Variants in CACNG4 observed in about 807,000 individuals in gnomAD.
CACNG4 encodes the protein voltage-dependent calcium channel gamma-4 subunit.
A neutral mutation model predicts 22.9 loss-of-function variants in CACNG4; 8 were observed. That is an observed-to-expected ratio of 0.35 (90% CI 0.21 to 0.63). CACNG4 has a LOEUF of 0.63. Ranked by LOEUF, CACNG4 falls within the 30% of genes least tolerant of loss-of-function variation. The pLI is 0.72. For synonymous variants in CACNG4, 188 were observed against 191.9 expected (o/e 0.98, Z 0.17); for missense variants, 357 against 455.4 (o/e 0.78, Z 1.97).
At chr17:66,990,842 G>A (rs568241695) in intron 1 of CACNG4, among the ~76,000 whole-genome samples, 9 of 151,554 alleles carry the variant, frequency 5.9e-5, no homozygotes, top group Non-Finnish European at 1.2e-4. Context: ...CACCATGCCC[G>A]GCTAATTTTT....
chr17:67,004,976 A>C (rs1016168750), intron 1 of CACNG4, among the ~76,000 whole-genome samples: 1 of 152,160 alleles, frequency 6.6e-6, no homozygotes, highest in African/African-American at 2.4e-5. Flanking sequence ...CGCCCACTTC[A>C]GCCTCCCAAA....
chr17:66,978,641 C>T (rs1567750270), intron 1 of CACNG4, among the ~76,000 whole-genome samples: 4 of 152,340 alleles, frequency 2.6e-5, no homozygotes, highest in East Asian at 1.9e-4. Context: ...GCCCCGTACT[C>T]GCTTCCGGCC....
intron 1 of CACNG4, among the ~76,000 whole-genome samples, chr17:66,990,460 A>G (rs111517637): frequency 0.014 from 2,155 of 152,274 alleles, 25 homozygotes; most frequent in Non-Finnish European, 0.024. Flanking sequence ...ATACAGGGGC[A>G]CACAGCAGCG....
intron 1 of CACNG4, among the ~76,000 whole-genome samples, chr17:66,995,669 G>T (rs149116590): frequency 6.6e-6 from 1 of 152,118 alleles, no homozygotes; most frequent in African/African-American, 2.4e-5. Flanking sequence ...GACCAAGATG[G>T]TGAAACCCCG....
chr17:66,970,765 T>C (rs1157259002), intron 1 of CACNG4, among the ~76,000 whole-genome samples: 2 of 152,194 alleles, frequency 1.3e-5, no homozygotes, highest in Non-Finnish European at 2.9e-5. Flanking sequence ...CTTCATCATA[T>C]GTATTTTGGG....
At chr17:66,966,029 C>T (rs1049395004) in intron 1 of CACNG4, among the ~76,000 whole-genome samples, 24 of 152,186 alleles carry the variant, frequency 1.6e-4, no homozygotes, top group Non-Finnish European at 2.8e-4. Context: ...GGCGCTGCGA[C>T]CCCCAAATGC....
intron 1 of CACNG4, among the ~76,000 whole-genome samples, chr17:66,981,643 A>T (rs2035273808): frequency 6.6e-6 from 1 of 152,170 alleles, no homozygotes; most frequent in African/African-American, 2.4e-5. Context: ...CGTGAGTAGG[A>T]CGGTGCTCAG....
At chr17:66,976,612 C>T (rs751207581) in intron 1 of CACNG4, among the ~76,000 whole-genome samples, 7 of 151,964 alleles carry the variant, frequency 4.6e-5, no homozygotes, top group South Asian at 4.2e-4. Context: ...CATCGTCCCT[C>T]CTCCCTGCCT....
intron 3 of CACNG4, among the ~76,000 whole-genome samples, chr17:67,026,643 C>T (rs1402172465): frequency 1.7e-5 from 2 of 117,316 alleles, no homozygotes; most frequent in African/African-American, 3.4e-5. Context: ...GTGTCTGAGA[C>T]GTGTAGTGTG....
chr17:67,026,636 T>G (rs557033590), intron 3 of CACNG4, among the ~76,000 whole-genome samples: 1 of 149,920 alleles, frequency 6.7e-6, no homozygotes, highest in African/African-American at 2.5e-5. Flanking sequence ...TGTGTGTGTG[T>G]CTGAGACGTG....
At chr17:67,006,025 C>T (rs1438450013) in intron 1 of CACNG4, among the ~76,000 whole-genome samples, 1 of 152,200 alleles carries the variant, frequency 6.6e-6, no homozygotes, top group Non-Finnish European at 1.5e-5. Flanking sequence ...TCAACCACCC[C>T]TCCCCACCTG....
chr17:66,986,311 G>A (rs774686670), intron 1 of CACNG4, among the ~76,000 whole-genome samples: 4 of 152,236 alleles, frequency 2.6e-5, no homozygotes. Flanking sequence ...GCTGATGTGT[G>A]TCTGGAGAGC....
At chr17:66,970,295 G>A (rs1295509355) in intron 1 of CACNG4, among the ~76,000 whole-genome samples, 1 of 152,216 alleles carries the variant, frequency 6.6e-6, no homozygotes, top group African/African-American at 2.4e-5. Context: ...GAAGGGGCAG[G>A]TAAGGGGGTT....
At chr17:67,012,286 G>A (rs573517577) in intron 1 of CACNG4, among the ~76,000 whole-genome samples, 2 of 152,218 alleles carry the variant, frequency 1.3e-5, no homozygotes, top group Non-Finnish European at 1.5e-5. Context: ...CCTTGTGGAA[G>A]CAGGTCTTTC....
Position 66,965,083 on chromosome 17 carries a change from C to G in CACNG4, c.172C>G (p.Arg58Gly), listed in dbSNP as rs1169983327. Residue 58 changes from arginine to glycine, a missense_variant, in exon 1 of 4, where the codon CGC (arginine) becomes GGC (glycine). Transcript: ENST00000262138. ...CGACGGGCCCCCGCCCCGCCGCGCC[C>G]GCGGCGACCTCACCCACTCTGGTCT... ...MDDGPPPRRA[R>G]GDLTHSGLWR... is the part of the protein sequence containing the mutation. 2.5e-6 allele frequency: 4 copies of G among 1,604,032 alleles called. No individual in the cohort carries two copies. The highest frequency in any genetic ancestry group is 1.7e-5 in the Admixed American group (1 of 59,332).
chr17:66,990,463 C>G (rs1011301356), intron 1 of CACNG4, among the ~76,000 whole-genome samples: 4 of 152,130 alleles, frequency 2.6e-5, no homozygotes, highest in African/African-American at 4.8e-5. Flanking sequence ...CAGGGGCACA[C>G]AGCAGCGGGT....
rs1232918417 is a variant in CACNG4, at chr17:66,964,909, A to G, written c.-3A>G. 2.1e-6 allele frequency: 3 copies of G among 1,458,608 alleles called. No individual in the cohort carries two copies. The highest frequency in any genetic ancestry group is 5.8e-5 in the East Asian group (2 of 34,638). 90.4% of individuals were successfully genotyped at this position (1,458,608 alleles called of 1,614,324 possible). The stretch of plus-strand genomic sequence containing the variant: ...GCGGGCGGCGGACTATGAGGCGCCC[A>G]CCATGGTGCGATGCGACCGCGGGCT... On this transcript the variant is annotated 5_prime_UTR_variant, in exon 1 of 4. Transcript: ENST00000262138.
intron 1 of CACNG4, among the ~76,000 whole-genome samples, chr17:66,968,839 A>G (rs1209962208): frequency 7.8e-6 from 1 of 128,888 alleles, no homozygotes; most frequent in African/African-American, 3.0e-5. Flanking sequence ...GTCTTTGTCT[A>G]TGTCTCTCTC....
At chr17:66,972,041 TGGAGGGATGGCCC>T (rs927786459) in intron 1 of CACNG4, among the ~76,000 whole-genome samples, 1 of 151,620 alleles carries the variant, frequency 6.6e-6, no homozygotes, top group African/African-American at 2.4e-5. Flanking sequence ...ATGGGAGAAG[TGGAGGGATGGCCC>T]GGAGAAGGGG....
Sources: gnomAD v4.1 joint callset for allele counts (sites outside exome capture counted in the v4.1 genomes callset) on GRCh38, gnomAD v4.1.1 for gene constraint, MANE v1.5 for transcripts, NCBI Gene and HGNC (gene_info 2026-07-23, HGNC 2026-07-21) for gene names.